The following TDRD1 variants were observed in gnomAD, a reference collection of about 807,000 sequenced individuals.
TDRD1 encodes tudor domain containing 1, also known as tudor domain-containing protein 1.
In TDRD1, 37 loss-of-function variants were observed where a neutral mutation model predicts 140.6. The ratio of observed to expected loss-of-function variants is 0.26; its 90% CI spans 0.20 to 0.35. TDRD1 has a LOEUF of 0.35. TDRD1 is among the 10% of genes least tolerant of loss of function. TDRD1 has a pLI of 1.00. For missense variants in TDRD1, 1,243 were observed against 1,393.0 expected, an observed-to-expected ratio of 0.89 and a Z score of 1.71; for synonymous variants, 506 against 475.7, an observed-to-expected ratio of 1.06 and a Z score of -0.83.
intron 3 of TDRD1, among the ~76,000 whole-genome samples, chr10:114,197,719 A>C (rs1370186957): frequency 6.7e-6 from 1 of 149,352 alleles, no homozygotes; most frequent in Non-Finnish European, 1.5e-5. Flanking sequence ...GTGCAGTGGC[A>C]TGATCTCAGC....
chr10:114,225,828 G>T (rs1322893867), intron 21 of TDRD1, among the ~76,000 whole-genome samples: 1 of 150,406 alleles, frequency 6.6e-6, no homozygotes, highest in African/African-American at 2.5e-5. Context: ...CTGCACTCCA[G>T]CCTGGGCTGC....
chr10:114,201,340 T>C (rs1589679280), intron 4 of TDRD1, 70 bp from the exon 5 acceptor site: 3 of 1,249,560 alleles, frequency 2.4e-6, no homozygotes, highest in Non-Finnish European at 3.5e-6. Flanking sequence ...TAGAATGATA[T>C]TTGCTAAAGT....
In TDRD1 at chr10:114,188,303, A is replaced by G. The variant is rs1022032114; in HGVS notation, c.325+147A>G. The G allele has an allele frequency of 8.2e-6, 6 of 734,476 alleles. No homozygotes were observed. The African/African-American group carries it at 8.9e-5, about 11-fold the overall frequency. 45.5% of individuals were successfully genotyped at this position (734,476 alleles called of 1,614,324 possible). On this transcript the variant is annotated intron_variant, in intron 2 of 25. Transcript: ENST00000251864. ...ATTTGCATTTCATTATTAATTTAGA[A>G]GGAAAAACCAGATACCAAGTGGCTA...
chr10:114,215,843 G>A (rs1450189199), intron 16 of TDRD1, among the ~76,000 whole-genome samples: 1 of 152,092 alleles, frequency 6.6e-6, no homozygotes, highest in African/African-American at 2.4e-5. Flanking sequence ...TGCAAAGTAA[G>A]TTTCCTGGTT....
At chr10:114,204,292 T>C (rs2034960944) in intron 9 of TDRD1, 76 bp downstream of exon 9, 1 of 1,452,886 alleles carries the variant, frequency 6.9e-7, no homozygotes, top group Non-Finnish European at 9.2e-7. Flanking sequence ...GGGCACAGTG[T>C]TTGCTTGTTC....
chr10:114,180,294 T>C (rs1177854063), intron 1 of TDRD1, among the ~76,000 whole-genome samples: 2 of 152,152 alleles, frequency 1.3e-5, no homozygotes, highest in African/African-American at 4.8e-5. Context: ...GTGATTAGGA[T>C]TTGTGAGGAA....
chr10:114,175,376 T>C (rs1185884279), upstream of TDRD1, among the ~76,000 whole-genome samples: 1 of 152,088 alleles, frequency 6.6e-6, no homozygotes, highest in Non-Finnish European at 1.5e-5. Flanking sequence ...TTTTTCACCA[T>C]AAGAGAAAAG....
exon 1 of TDRD1, chr10:114,179,270 G>C (rs1362781164): frequency 6.6e-6 from 1 of 152,454 alleles, no homozygotes; most frequent in African/African-American, 2.4e-5. Flanking sequence ...GCAGGCGTGC[G>C]CTGAGGCCAG....
chr10:114,195,545 A>T (rs921587702), intron 3 of TDRD1, among the ~76,000 whole-genome samples: 1 of 152,146 alleles, frequency 6.6e-6, no homozygotes, highest in African/African-American at 2.4e-5. Flanking sequence ...CTCTTTTGTC[A>T]TCATAATGTC....
chr10:114,196,573 C>T (rs935297717), intron 3 of TDRD1, among the ~76,000 whole-genome samples: 1 of 151,984 alleles, frequency 6.6e-6, no homozygotes, highest in Admixed American at 6.5e-5. Flanking sequence ...AGCCCACCTC[C>T]TCCTTTCCCA....
At chr10:114,187,688 C>G (rs2033642963) in intron 1 of TDRD1, 138 bp from the exon 2 acceptor site, 1 of 751,310 alleles carries the variant, frequency 1.3e-6, no homozygotes, top group African/African-American at 1.8e-5. Context: ...GTTTTGATGT[C>G]ATGGTTATAT....
intron 25 of TDRD1, among the ~76,000 whole-genome samples, chr10:114,229,329 A>G (rs2036619956): frequency 6.6e-6 from 1 of 152,178 alleles, no homozygotes; most frequent in Non-Finnish European, 1.5e-5. Flanking sequence ...CCAACTGCCA[A>G]CTGTGTTAAA....
intron 2 of TDRD1, among the ~76,000 whole-genome samples, chr10:114,190,365 C>G (rs1444752392): frequency 6.6e-6 from 1 of 152,134 alleles, no homozygotes; most frequent in African/African-American, 2.4e-5. Context: ...GGGTCCTCAG[C>G]TTTTAAAAGT....
At chr10:114,226,083 G>T (rs774933179) in exon 22 of TDRD1, 24 of 1,613,662 alleles carry the variant, frequency 1.5e-5, no homozygotes, top group Admixed American at 1.7e-5. Context: ...TTGTTCTGGG[G>T]ACATCAGACA....
intron 1 of TDRD1, among the ~76,000 whole-genome samples, chr10:114,182,367 G>GAATA (rs2033139512): frequency 6.6e-6 from 1 of 151,900 alleles, no homozygotes. Context: ...TCCTGAATAG[G>GAATA]GTGAGTCCTT....
chr10:114,200,353 G>A (rs187856989), intron 4 of TDRD1, among the ~76,000 whole-genome samples: 1 of 151,092 alleles, frequency 6.6e-6, no homozygotes, highest in East Asian at 1.9e-4. Flanking sequence ...AGACTGGTTG[G>A]TGGTTACTTC....
chr10:114,193,514 G>A (rs886922869), intron 3 of TDRD1, among the ~76,000 whole-genome samples: 9 of 151,998 alleles, frequency 5.9e-5, no homozygotes, highest in Non-Finnish European at 1.0e-4. Flanking sequence ...GGCCGGTCCC[G>A]AACTCCTGAC....
chr10:114,179,249 A>C (rs1037273893), upstream of TDRD1: 2 of 152,324 alleles, frequency 1.3e-5, no homozygotes, highest in African/African-American at 4.8e-5. Flanking sequence ...TTGCACGTGG[A>C]CGCGGAGTGC....
At chr10:114,179,065 C>T (rs373604766), upstream of TDRD1, among the ~76,000 whole-genome samples, 11 of 152,180 alleles carry the variant, frequency 7.2e-5, no homozygotes, top group African/African-American at 1.4e-4. Context: ...AAGTGACCTT[C>T]GAGGAGACAA....
Sources: gnomAD v4.1 joint callset for allele counts (sites outside exome capture counted in the v4.1 genomes callset) on GRCh38, gnomAD v4.1.1 for gene constraint, MANE v1.5 for transcripts, NCBI Gene and HGNC (gene_info 2026-07-23, HGNC 2026-07-21) for gene names.